The following CAPZA2 variants were observed in gnomAD, a reference collection of about 807,000 sequenced individuals.
CAPZA2 encodes the protein capping actin protein of muscle Z-line subunit alpha 2.
Under a neutral mutation model 44.0 loss-of-function variants are expected in CAPZA2, and 13 were observed. The observed-to-expected ratio is 0.30, with a 90% CI of 0.19 to 0.47. The LOEUF is 0.47. Ranked by LOEUF, CAPZA2 falls within the 20% of genes least tolerant of loss-of-function variation. The pLI, the probability that CAPZA2 is intolerant of heterozygous loss-of-function variation, is 1.00. For missense variants in CAPZA2, 244 were observed against 338.6 expected (o/e 0.72, Z 2.19); for synonymous variants, 94 against 108.2 (o/e 0.87, Z 0.81).
intron 7 of CAPZA2, among the ~76,000 whole-genome samples, chr7:116,910,990 CAAAA>C (rs57772383): frequency 7.9e-5 from 4 of 50,606 alleles, no homozygotes; most frequent in Non-Finnish European, 4.0e-5. Flanking sequence ...GACTCCGTCT[CAAAA>C]AAAAAAAAAA....
chr7:116,893,602 T>C (rs976525972), intron 3 of CAPZA2, among the ~76,000 whole-genome samples: 1 of 152,356 alleles, frequency 6.6e-6, no homozygotes, highest in South Asian at 2.1e-4. Flanking sequence ...CGGTGCCTTA[T>C]ACATTCAGTT....
At chr7:116,906,206 A>AGTT (rs1250427685) in intron 5 of CAPZA2, 57 bp from the exon 6 acceptor site, 1 of 1,580,790 alleles carries the variant, frequency 6.3e-7, no homozygotes, top group Non-Finnish European at 8.5e-7. Flanking sequence ...AGATTTTTAA[A>AGTT]GTTGGACATT....
At chr7:116,864,352 T>C (rs1476711284) in intron 1 of CAPZA2, among the ~76,000 whole-genome samples, 1 of 152,146 alleles carries the variant, frequency 6.6e-6, no homozygotes, top group Non-Finnish European at 1.5e-5. Flanking sequence ...ACAAGATGCC[T>C]TATTATCTGG....
chr7:116,905,965 T>C (rs542388591), intron 5 of CAPZA2, among the ~76,000 whole-genome samples: 1 of 152,352 alleles, frequency 6.6e-6, no homozygotes, highest in East Asian at 1.9e-4. Flanking sequence ...ATGTTTAAAA[T>C]AAATTATCTA....
Position 116,898,832 on chromosome 7 carries a change from T to C in CAPZA2, c.216T>C (p.Asp72=), listed in dbSNP as rs774872718. 6.4e-7 allele frequency: 1 copy of C among 1,567,322 alleles called. No individual in the cohort carries two copies. The highest frequency in any genetic ancestry group is 8.8e-7 in the Non-Finnish European group (1 of 1,140,416). Residue 72 remains aspartate, a synonymous_variant, in exon 4 of 10, where the codon GAT becomes GAC. Transcript: ENST00000361183. ...FTPVKIEGYE[D]QVLITEHGDL... is the part of the protein sequence containing the mutation. ...CAGTAAAAATTGAAGGTTATGAAGA[T>C]CAGGTATGTTTCATATAAACACTAT... is the stretch of plus-strand genomic sequence containing the variant.
At position 116,906,275 on chromosome 7, in the gene CAPZA2, A is replaced by C. The variant is rs1411690297; in HGVS notation, c.439A>C (p.Lys147Gln). 3 of 1,612,844 alleles carry C rather than the reference A, an allele frequency of 1.9e-6. No individual in the cohort carries two copies. The highest frequency in any genetic ancestry group is 1.7e-6 in the Non-Finnish European group (2 of 1,179,770). ...PNGVCTVYGK[K>Q]IDGQQTIIAC... ...CTTTGCCAATAAGGTGTATGGCAAAAAAATAGATGGACAGCAAACCATTAT... is the reference window on the plus strand; with the variant it reads ...CTTTGCCAATAAGGTGTATGGCAAACAAATAGATGGACAGCAAACCATTAT... The change falls in exon 6 of 10, where the codon AAA becomes CAA. Residue 147 changes from lysine (K) to glutamine (Q), a missense_variant. By Grantham distance (53) the Lys-to-Gln change is moderately conservative. Coordinates refer to ENST00000361183, the MANE Select transcript of CAPZA2 (RefSeq NM_006136.3).
At chr7:116,916,238 G>A (rs575556792) in intron 9 of CAPZA2, 116 bp downstream of exon 9, 2 of 1,082,486 alleles carry the variant, frequency 1.8e-6, no homozygotes, top group South Asian at 2.1e-5. Context: ...TCTTTTTGTT[G>A]TGTGTCTGCT....
chr7:116,902,602 G>A (rs1427173736), intron 4 of CAPZA2, among the ~76,000 whole-genome samples: 1 of 152,040 alleles, frequency 6.6e-6, no homozygotes, highest in East Asian at 1.9e-4. Context: ...TGTCACAGGA[G>A]TATATATTAA....
At chr7:116,885,900 A>T (rs1796756274) in intron 1 of CAPZA2, among the ~76,000 whole-genome samples, 2 of 152,160 alleles carry the variant, frequency 1.3e-5, no homozygotes, top group African/African-American at 4.8e-5. Context: ...GGCGACTGGT[A>T]ATAAACATAA....
intron 1 of CAPZA2, among the ~76,000 whole-genome samples, chr7:116,869,503 T>C (rs1395464125): frequency 6.6e-6 from 1 of 152,248 alleles, no homozygotes; most frequent in Non-Finnish European, 1.5e-5. Context: ...CTGATACTTT[T>C]TTATATTTTA....
chr7:116,869,195 C>A (rs943801885), intron 1 of CAPZA2, among the ~76,000 whole-genome samples: 6 of 152,166 alleles, frequency 3.9e-5, no homozygotes, highest in Admixed American at 3.3e-4. Context: ...ATAGGAGATT[C>A]ATGCATATCA....
At chr7:116,907,551 A>G (rs763363355) in intron 6 of CAPZA2, among the ~76,000 whole-genome samples, 3 of 152,212 alleles carry the variant, frequency 2.0e-5, no homozygotes, top group Non-Finnish European at 4.4e-5. Flanking sequence ...TTTATAATAC[A>G]TTGGAGCTGT....
At chr7:116,902,444 T>G (rs1007545165) in intron 4 of CAPZA2, among the ~76,000 whole-genome samples, 1 of 152,058 alleles carries the variant, frequency 6.6e-6, no homozygotes, top group South Asian at 2.1e-4. Flanking sequence ...GACCCACAAA[T>G]GTGAAAAGCC....
intron 1 of CAPZA2, among the ~76,000 whole-genome samples, chr7:116,879,328 A>G (rs1796661696): frequency 1.3e-5 from 2 of 152,066 alleles, no homozygotes; most frequent in Non-Finnish European, 2.9e-5. Context: ...CCATTACACC[A>G]AACTGTTTCT....
chr7:116,876,858 A>T (rs1365054945), intron 1 of CAPZA2, among the ~76,000 whole-genome samples: 1 of 152,188 alleles, frequency 6.6e-6, no homozygotes, highest in East Asian at 1.9e-4. Context: ...CCCACATGGG[A>T]GTTGTGCTTG....
intron 1 of CAPZA2, among the ~76,000 whole-genome samples, chr7:116,881,235 A>T (rs964592188): frequency 6.6e-6 from 1 of 152,172 alleles, no homozygotes; most frequent in African/African-American, 2.4e-5. Context: ...TTTTATCCAT[A>T]TAACAGTATA....
intron 1 of CAPZA2, among the ~76,000 whole-genome samples, chr7:116,863,333 G>C (rs899496503): frequency 5.3e-5 from 8 of 151,966 alleles, no homozygotes; most frequent in Non-Finnish European, 8.8e-5. Context: ...ACAAAAAGAC[G>C]ACCCCCTCCC....
intron 1 of CAPZA2, among the ~76,000 whole-genome samples, chr7:116,883,992 A>G (rs1326890186): frequency 6.6e-6 from 1 of 152,156 alleles, no homozygotes; most frequent in East Asian, 1.9e-4. Flanking sequence ...TTTGCCTGTG[A>G]TAGTGATCAA....
At position 116,910,968 on chromosome 7, in the gene CAPZA2, G is replaced by A. The variant is rs1446136982; in HGVS notation, c.585+657G>A. 8.5e-5 allele frequency among the ~76,000 whole-genome samples: 12 copies of A among 140,734 alleles called. No homozygotes were observed. In the South Asian group the frequency reaches 2.0e-3, roughly 24 times the overall value. 92.3% of individuals were successfully genotyped at this position (140,734 alleles called of 152,430 possible). A position where few individuals can be genotyped will look rare whatever the true frequency, so the allele number is the denominator to read the frequency against. ...ATTGCGCCACTGCACTCCAGCCTGGGCGACAGAACAAGACTCCGTCTCAAA... is the reference window on the plus strand; with the variant it reads ...ATTGCGCCACTGCACTCCAGCCTGGACGACAGAACAAGACTCCGTCTCAAA... On this transcript the variant is annotated intron_variant, in intron 7 of 9. Transcript: ENST00000361183.
Sources: gnomAD v4.1 joint callset for allele counts (sites outside exome capture counted in the v4.1 genomes callset) on GRCh38, gnomAD v4.1.1 for gene constraint, MANE v1.5 for transcripts, NCBI Gene and HGNC (gene_info 2026-07-23, HGNC 2026-07-21) for gene names.